The following PTCD2 variants were observed in gnomAD, a reference collection of about 807,000 sequenced individuals.
PTCD2 encodes the protein pentatricopeptide repeat-containing protein 2, mitochondrial.
PTCD2 carries 31 observed loss-of-function variants against 42.6 expected under a neutral mutation model. The ratio of observed to expected loss-of-function variants is 0.73; its 90% CI spans 0.55 to 0.98. The LOEUF is 0.98. PTCD2 is among the 50% of genes least tolerant of loss of function. The pLI is 0.00. For synonymous variants in PTCD2, 183 were observed against 170.9 expected (o/e 1.07, Z -0.55); for missense variants, 476 against 454.8 (o/e 1.05, Z -0.42).
At chr5:72,358,095 G>A in intron 9 of PTCD2, 108 bp from the exon 10 acceptor site, 3 of 1,002,726 alleles carry the variant, frequency 3.0e-6, no homozygotes, top group African/African-American at 1.6e-5. Flanking sequence ...CACCTCGCCT[G>A]GCCTACCATA....
At chr5:72,347,971 A>G (rs1031200550) in intron 8 of PTCD2, among the ~76,000 whole-genome samples, 8 of 152,206 alleles carry the variant, frequency 5.3e-5, no homozygotes, top group African/African-American at 1.7e-4. Flanking sequence ...GATACTGAGT[A>G]TGAATCATCC....
chr5:72,335,580 A>T (rs1334651692), intron 5 of PTCD2: 2 of 437,900 alleles, frequency 4.6e-6, no homozygotes, highest in Non-Finnish European at 8.1e-6. Context: ...GATTTTACTT[A>T]TGCTAAAATT....
rs774020494 is a variant in PTCD2 at position 72,320,413 on chromosome 5, C to A, written c.31C>A (p.Arg11=). 4 of 1,614,170 alleles carry A rather than the reference C, an allele frequency of 2.5e-6. No homozygotes were observed. The highest frequency in any genetic ancestry group is 3.3e-5 in the Admixed American group (2 of 60,034). MVRDSMAAAF[R]PSNRVLLQAL... is the part of the protein sequence containing the mutation. ...CCGAGACAGTATGGCTGCTGCATTTCGGCCCTCGAATCGAGTTCTCCTGCA... is the reference window on the plus strand; with the variant it reads ...CCGAGACAGTATGGCTGCTGCATTTAGGCCCTCGAATCGAGTTCTCCTGCA... The change falls in exon 1 of 10, where the codon CGG becomes AGG. Residue 11 remains arginine, a synonymous_variant. Coordinates refer to ENST00000380639, the MANE Select transcript of PTCD2 (RefSeq NM_024754.5).
At chr5:72,336,957 G>A (rs1751785229) in intron 6 of PTCD2, among the ~76,000 whole-genome samples, 1 of 152,114 alleles carries the variant, frequency 6.6e-6, no homozygotes. Flanking sequence ...AAACTCCCCT[G>A]AAGAATGTAG....
rs1016349790 is a variant in PTCD2, at chr5:72,364,172, T to G, written c.*5745T>G. 6.6e-6 allele frequency: 1 copy of G among 152,218 alleles called. No individual in the cohort carries two copies. Among genetic ancestry groups the G allele is most frequent in the Admixed American group, 6.5e-5 (1 of 15,288 alleles). The allele number at this position is 152,218 out of a possible 1,614,324, so 9.4% of individuals were successfully genotyped here. On this transcript the variant is annotated 3_prime_UTR_variant, in exon 10 of 10. Transcript: ENST00000380639. ...TAGCTCAAAAAAGTGTTCTCAAAAATTAATGGAAATTGGTGTATTCTGATT... is the reference window on the plus strand; with the variant it reads ...TAGCTCAAAAAAGTGTTCTCAAAAAGTAATGGAAATTGGTGTATTCTGATT...
rs1750777915 is a variant in PTCD2, at chr5:72,320,669, A to T, written c.127+160A>T. ...GTTGCACGTGGGTGCAGTGGTGACC[A>T]CTGGGGGTCGTGGATACCCCCAGTG... On this transcript the variant is annotated intron_variant, in intron 1 of 9. Transcript: ENST00000380639. 7 of 954,808 alleles carry T rather than the reference A, an allele frequency of 7.3e-6. No individual in the cohort carries two copies. The South Asian group carries it at 7.8e-5, about 11-fold the overall frequency. The allele number at this position is 954,808 out of a possible 1,614,324, so 59.1% of individuals were successfully genotyped here.
chr5:72,355,269 C>T (rs1051200205), intron 9 of PTCD2, among the ~76,000 whole-genome samples: 7 of 151,868 alleles, frequency 4.6e-5, no homozygotes, highest in African/African-American at 7.3e-5. Context: ...AATGTTTCAC[C>T]GCAGAAAAAG....
At chr5:72,345,486 A>C (rs1265406852) in intron 8 of PTCD2, among the ~76,000 whole-genome samples, 3 of 152,270 alleles carry the variant, frequency 2.0e-5, no homozygotes, top group Admixed American at 2.0e-4. Flanking sequence ...AAGAGATTAA[A>C]GACAGGCATA....
chr5:72,322,469 C>T (rs934758929), intron 2 of PTCD2, among the ~76,000 whole-genome samples: 3 of 152,180 alleles, frequency 2.0e-5, no homozygotes, highest in South Asian at 4.1e-4. Flanking sequence ...CCTCTTATTC[C>T]TTCTCTTACG....
chr5:72,355,746 T>C (rs918477416), intron 9 of PTCD2, among the ~76,000 whole-genome samples: 2 of 152,330 alleles, frequency 1.3e-5, no homozygotes, highest in East Asian at 3.9e-4. Flanking sequence ...GTAAAGAAAT[T>C]GTACGTTATT....
chr5:72,358,217 G>A lies in PTCD2; in HGVS notation c.957G>A (p.Arg319=). The change falls in exon 10 of 10, where the codon AGG becomes AGA. Residue 319 remains arginine, a synonymous_variant. Coordinates refer to ENST00000380639, the MANE Select transcript of PTCD2 (RefSeq NM_024754.5). ...CTTTTTTCCAGCTGGCCAAAGTGAG[G>A]GAAAAAGTGAAGGATGTGCCTGCCC... ...VFSEEVLAKV[R]EKVKDVPALV... is the part of the protein sequence containing the mutation. 1 of 1,613,864 alleles carries A rather than the reference G, an allele frequency of 6.2e-7. No individual in the cohort carries two copies. Among genetic ancestry groups the A allele is most frequent in the South Asian group, 1.1e-5 (1 of 91,026 alleles).
chr5:72,334,647 G>T (rs2112159463), intron 4 of PTCD2, among the ~76,000 whole-genome samples: 1 of 152,184 alleles, frequency 6.6e-6, no homozygotes, highest in South Asian at 2.1e-4. Context: ...CACCTCCTGG[G>T]TTCAAGCAAT....
intron 8 of PTCD2, among the ~76,000 whole-genome samples, chr5:72,349,774 C>G (rs976135310): frequency 6.6e-6 from 1 of 152,132 alleles, no homozygotes; most frequent in Non-Finnish European, 1.5e-5. Flanking sequence ...TTAGCTGAAC[C>G]CTGAGACTGG....
intron 5 of PTCD2, among the ~76,000 whole-genome samples, 171 bp downstream of exon 5, chr5:72,335,267 G>A (rs1751670530): frequency 6.6e-6 from 1 of 151,910 alleles, no homozygotes; most frequent in African/African-American, 2.4e-5. Context: ...GGCTAACAAG[G>A]TGAAACCCCG....
At chr5:72,336,570 C>T (rs764010277) in intron 6 of PTCD2, among the ~76,000 whole-genome samples, 12 of 152,012 alleles carry the variant, frequency 7.9e-5, no homozygotes, top group East Asian at 1.9e-4. Context: ...ATTAGCCAGG[C>T]GTGGTGGCAT....
At chr5:72,323,711 C>T (rs1750986522) in intron 2 of PTCD2, among the ~76,000 whole-genome samples, 1 of 152,152 alleles carries the variant, frequency 6.6e-6, no homozygotes, top group Non-Finnish European at 1.5e-5. Flanking sequence ...GTGCAGTTGG[C>T]ACCATCATAG....
chr5:72,351,128 A>G (rs974170930), intron 8 of PTCD2, among the ~76,000 whole-genome samples: 1 of 152,258 alleles, frequency 6.6e-6, no homozygotes, highest in Non-Finnish European at 1.5e-5. Flanking sequence ...TTATACATCA[A>G]ATTATAAACA....
Position 72,362,694 on chromosome 5 carries a change from A to G in PTCD2, c.*4267A>G, listed in dbSNP as rs1347463579. 6.6e-6 allele frequency: 1 copy of G among 152,240 alleles called. No homozygotes were observed. The highest frequency in any genetic ancestry group is 1.5e-5 in the Non-Finnish European group (1 of 68,050). 9.4% of individuals were successfully genotyped at this position (152,240 alleles called of 1,614,324 possible). On this transcript the variant is annotated 3_prime_UTR_variant, in exon 10 of 10. Coordinates refer to ENST00000380639, the MANE Select transcript of PTCD2 (RefSeq NM_024754.5). ...CTCTTTAAATTCTCAAGGATTCTCC[A>G]TTAATTCACCATATCTATTTTGAGA... is the stretch of plus-strand genomic sequence containing the variant.
intron 8 of PTCD2, among the ~76,000 whole-genome samples, chr5:72,344,738 G>T (rs1474886814): frequency 6.6e-6 from 1 of 152,070 alleles, no homozygotes; most frequent in Admixed American, 6.5e-5. Flanking sequence ...TTTAAAGCTG[G>T]GTGTCCGGGG....
Sources: gnomAD v4.1 joint callset for allele counts (sites outside exome capture counted in the v4.1 genomes callset) on GRCh38, gnomAD v4.1.1 for gene constraint, MANE v1.5 for transcripts, NCBI Gene and HGNC (gene_info 2026-07-23, HGNC 2026-07-21) for gene names.